Variants in ELMO1 observed in about 807,000 individuals in gnomAD.
ELMO1 encodes engulfment and cell motility protein 1.
In ELMO1, 26 loss-of-function variants were observed where a neutral mutation model predicts 98.9. That is an observed-to-expected ratio of 0.26 (90% CI 0.19 to 0.36). ELMO1 has a LOEUF of 0.36. Ranked by LOEUF, ELMO1 falls within the 10% of genes least tolerant of loss-of-function variation. The pLI is 1.00. For synonymous variants in ELMO1, 346 were observed against 346.0 expected, an observed-to-expected ratio of 1.00 and a Z score of 0.00; for missense variants, 627 against 935.2, an observed-to-expected ratio of 0.67 and a Z score of 4.30.
In ELMO1 at chr7:36,853,719, G is replaced by A. The variant is rs1000877746; in HGVS notation, c.*1832C>T. On this transcript the variant is annotated 3_prime_UTR_variant, in exon 22 of 22. Coordinates refer to ENST00000310758, the MANE Select transcript of ELMO1 (RefSeq NM_014800.11). Reference sequence around the variant, plus strand: ...CATCCTGATGACGGTAAAGAGAAATGACCTGGATGCTTCCACAGCTTGTGC... The same window carrying A: ...CATCCTGATGACGGTAAAGAGAAATAACCTGGATGCTTCCACAGCTTGTGC... Among the ~76,000 whole-genome samples, 1 of 152,186 alleles carries A rather than the reference G, an allele frequency of 6.6e-6. No individual in the cohort carries two copies. The highest frequency in any genetic ancestry group is 1.5e-5 in the Non-Finnish European group (1 of 68,046).
chr7:36,942,858 C>T (rs1452431603), intron 16 of ELMO1, among the ~76,000 whole-genome samples: 1 of 152,200 alleles, frequency 6.6e-6, no homozygotes, highest in African/African-American at 2.4e-5. Flanking sequence ...AGGCCTTTCT[C>T]AGTAACTGAT....
chr7:36,855,759 G>A lies in ELMO1; in HGVS notation c.1984-8C>T. On this transcript the variant is annotated splice_region_variant and splice_polypyrimidine_tract_variant and intron_variant, in intron 21 of 21. Transcript: ENST00000310758. This position sits in a 1 kb window ranked among gnomAD's most constrained non-coding sequence, Gnocchi z 4.2. ...ATCCGTCCAGATACAGTACTGGCAG[G>A]AAGGGAGGCAACAGCGATCATTACT... 1.2e-6 allele frequency: 2 copies of A among 1,613,864 alleles called. No individual in the cohort carries two copies. Among genetic ancestry groups the A allele is most frequent in the East Asian group, 2.2e-5 (1 of 44,868 alleles).
At chr7:37,212,662 T>G in intron 12 of ELMO1, among the ~76,000 whole-genome samples, 1 of 152,182 alleles carries the variant, frequency 6.6e-6, no homozygotes, top group East Asian at 1.9e-4. Context: ...AGTTCACATC[T>G]GCAACAGATC....
intron 14 of ELMO1, among the ~76,000 whole-genome samples, chr7:37,099,374 T>C (rs1784523538): frequency 6.6e-6 from 1 of 152,228 alleles, no homozygotes. Flanking sequence ...TAGCTTTTAT[T>C]TAACACATTG....
intron 1 of ELMO1, among the ~76,000 whole-genome samples, chr7:37,400,171 T>C (rs909961975): frequency 1.3e-5 from 2 of 152,314 alleles, no homozygotes. Context: ...CATGTAAATA[T>C]AGAACATCAG....
At chr7:37,131,557 A>G (rs968488861) in intron 14 of ELMO1, among the ~76,000 whole-genome samples, 1 of 152,222 alleles carries the variant, frequency 6.6e-6, no homozygotes, top group African/African-American at 2.4e-5. Flanking sequence ...GGTAAATTCA[A>G]TTTCTACTTA....
intron 5 of ELMO1, among the ~76,000 whole-genome samples, chr7:37,260,956 T>C (rs1189738603): frequency 6.6e-6 from 1 of 152,224 alleles, no homozygotes; most frequent in African/African-American, 2.4e-5. Context: ...CATGAACATT[T>C]AATAGTTAAC....
chr7:36,923,353 G>C (rs1785293144), intron 16 of ELMO1, among the ~76,000 whole-genome samples: 1 of 152,212 alleles, frequency 6.6e-6, no homozygotes, highest in Admixed American at 6.5e-5. Flanking sequence ...TATATCTCAG[G>C]TAGGAGAGTA....
chr7:37,282,978 T>G (rs1266368714), intron 4 of ELMO1, among the ~76,000 whole-genome samples: 1 of 152,180 alleles, frequency 6.6e-6, no homozygotes, highest in African/African-American at 2.4e-5. Context: ...TTAAGAGATA[T>G]CTATTAACTA....
chr7:37,272,393 C>A (rs916087263), intron 4 of ELMO1, among the ~76,000 whole-genome samples: 4 of 152,166 alleles, frequency 2.6e-5, no homozygotes, highest in African/African-American at 4.8e-5. Flanking sequence ...AAGGGCCAGG[C>A]GTGGTGGCTC....
At chr7:37,066,155 T>A (rs1796950004) in intron 15 of ELMO1, among the ~76,000 whole-genome samples, 1 of 152,196 alleles carries the variant, frequency 6.6e-6, no homozygotes, top group South Asian at 2.1e-4. Flanking sequence ...ACCTCTTTCC[T>A]TTATAAATTA....
intron 15 of ELMO1, among the ~76,000 whole-genome samples, chr7:37,087,879 G>C (rs1347645959): frequency 6.6e-6 from 1 of 152,200 alleles, no homozygotes; most frequent in Non-Finnish European, 1.5e-5. Context: ...ATAACAAAGA[G>C]ACACAGATAA....
At chr7:37,399,524 A>G (rs941617094) in intron 1 of ELMO1, among the ~76,000 whole-genome samples, 3 of 152,196 alleles carry the variant, frequency 2.0e-5, no homozygotes. Context: ...GAAGCCAAGC[A>G]CTTGCCCACT....
At chr7:37,095,442 A>G (rs1784320429) in intron 15 of ELMO1, among the ~76,000 whole-genome samples, 1 of 152,180 alleles carries the variant, frequency 6.6e-6, no homozygotes, top group Admixed American at 6.5e-5. Context: ...GTAAACAGAA[A>G]TCTTCACATT....
chr7:37,181,474 C>A (rs149784364), intron 13 of ELMO1, among the ~76,000 whole-genome samples: 1 of 152,082 alleles, frequency 6.6e-6, no homozygotes, highest in Non-Finnish European at 1.5e-5. Flanking sequence ...GGCCTTTGAG[C>A]GTCCTTGTAT....
At chr7:37,353,646 T>A (rs1352738763) in intron 1 of ELMO1, 1 of 152,216 alleles carries the variant, frequency 6.6e-6, no homozygotes, top group Non-Finnish European at 1.5e-5. Context: ...TTGCTGCTAC[T>A]GGCTCAGGTG....
At chr7:36,898,000 A>C (rs1447677881) in intron 16 of ELMO1, among the ~76,000 whole-genome samples, 2 of 152,214 alleles carry the variant, frequency 1.3e-5, no homozygotes, top group Admixed American at 1.3e-4. Context: ...TTCACTTCAC[A>C]GTTTTGTTGC....
chr7:36,884,275 C>T (rs933243651), intron 18 of ELMO1, among the ~76,000 whole-genome samples: 2 of 150,740 alleles, frequency 1.3e-5, no homozygotes, highest in Admixed American at 1.3e-4. Context: ...CGAGATCATG[C>T]CATTGCACTC....
At chr7:37,409,838 T>A (rs555720149) in intron 1 of ELMO1, among the ~76,000 whole-genome samples, 1 of 152,198 alleles carries the variant, frequency 6.6e-6, no homozygotes, top group Non-Finnish European at 1.5e-5. Context: ...ATAAACCCTA[T>A]TGCTAGATGG....
Sources: gnomAD v4.1 joint callset for allele counts (sites outside exome capture counted in the v4.1 genomes callset) on GRCh38, gnomAD v4.1.1 for gene constraint, Gnocchi (gnomAD v3.1) non-coding constraint, MANE v1.5 for transcripts, NCBI Gene and HGNC (gene_info 2026-07-23, HGNC 2026-07-21) for gene names.